STXBP6: variants seen among roughly 807,000 people sequenced by gnomAD.
The protein encoded by STXBP6 is syntaxin-binding protein 6.
In STXBP6, 21 loss-of-function variants were observed where a neutral mutation model predicts 26.9. The observed-to-expected ratio is 0.78, with a 90% CI of 0.55 to 1.12. STXBP6 has a LOEUF of 1.12. Ranked by LOEUF, STXBP6 falls within the 50% of genes most tolerant of loss-of-function variation. The pLI, the probability that STXBP6 is intolerant of heterozygous loss-of-function variation, is 0.00. For missense variants in STXBP6, 232 were observed against 257.9 expected (o/e 0.90, Z 0.69); for synonymous variants, 97 against 92.6 (o/e 1.05, Z -0.27).
intron 5 of STXBP6, among the ~76,000 whole-genome samples, chr14:24,815,289 A>G (rs956559684): frequency 3.9e-5 from 6 of 152,096 alleles, no homozygotes; most frequent in Admixed American, 3.9e-4. Flanking sequence ...TCCTTTTGAT[A>G]TATTTTGTGT....
intron 1 of STXBP6, among the ~76,000 whole-genome samples, chr14:25,018,842 A>G (rs750245756): frequency 6.6e-6 from 1 of 152,226 alleles, no homozygotes; most frequent in African/African-American, 2.4e-5. Context: ...CCCAGGCCCA[A>G]TAAGAATAGC....
At chr14:25,021,769 T>A (rs1335515130) in intron 1 of STXBP6, among the ~76,000 whole-genome samples, 1 of 152,218 alleles carries the variant, frequency 6.6e-6, no homozygotes, top group East Asian at 1.9e-4. Flanking sequence ...AGCTTGAACC[T>A]AGGCCCCCTT....
intron 1 of STXBP6, among the ~76,000 whole-genome samples, chr14:24,993,990 G>A (rs1046201032): frequency 1.3e-5 from 2 of 152,130 alleles, no homozygotes; most frequent in Non-Finnish European, 2.9e-5. Flanking sequence ...GCTGCTTCCT[G>A]GAGTTACCAG....
intron 2 of STXBP6, among the ~76,000 whole-genome samples, chr14:24,900,139 T>A (rs142980484): frequency 6.6e-6 from 1 of 152,328 alleles, no homozygotes; most frequent in East Asian, 1.9e-4. Flanking sequence ...AATATTAGAT[T>A]TTTCTTTTTT....
At position 24,856,946 on chromosome 14, in the gene STXBP6, C is replaced by A; in HGVS notation, c.285+81G>T. ...TAGCCTTCTTAAGAATGATTCAAACCACCACTACCACTACCAAGGTCAATC... is the reference window on the plus strand; with the variant it reads ...TAGCCTTCTTAAGAATGATTCAAACAACCACTACCACTACCAAGGTCAATC... On this transcript the variant is annotated intron_variant, in intron 3 of 5. Transcript: ENST00000323944. The A allele has an allele frequency of 2.7e-6, 4 of 1,481,920 alleles. No individual in the cohort carries two copies. The South Asian group carries it at 4.3e-5, about 16-fold the overall frequency. The allele number at this position is 1,481,920 out of a possible 1,614,324, so 91.8% of individuals were successfully genotyped here.
chr14:24,929,962 T>C (rs902062158), intron 2 of STXBP6, among the ~76,000 whole-genome samples: 2 of 152,178 alleles, frequency 1.3e-5, no homozygotes, highest in African/African-American at 4.8e-5. Context: ...CTTTGTTATA[T>C]GCAAAAAAGA....
At chr14:25,030,255 G>C (rs1199205092) in intron 1 of STXBP6, among the ~76,000 whole-genome samples, 1 of 152,178 alleles carries the variant, frequency 6.6e-6, no homozygotes. Flanking sequence ...TTCCATGCCT[G>C]TCTGCTCACA....
At chr14:24,857,253 G>A (rs2069370484) in intron 2 of STXBP6, 96 bp from the exon 3 acceptor site, 8 of 1,499,888 alleles carry the variant, frequency 5.3e-6, no homozygotes, top group Non-Finnish European at 7.3e-6. Context: ...CTGTGTATAT[G>A]CACAATAACA....
rs571686413 is a variant in STXBP6, at chr14:24,995,557, T to G, written c.-32-20707A>C. Reference sequence around the variant, plus strand: ...TGCAGTGAGCCACTAGACCCAATCTTCAGCACAGCAGAAATTTTAAAGAAA... The same window carrying G: ...TGCAGTGAGCCACTAGACCCAATCTGCAGCACAGCAGAAATTTTAAAGAAA... On this transcript the variant is annotated intron_variant, in intron 1 of 5. Coordinates refer to ENST00000323944, the MANE Select transcript of STXBP6 (RefSeq NM_001394410.1). Among the ~76,000 whole-genome samples the G allele has an allele frequency of 3.2e-4, 48 of 152,290 alleles. 1 individual carries two copies. In the East Asian group the frequency reaches 7.9e-3, roughly 25 times the overall value.
chr14:24,952,678 A>T (rs962678421), intron 2 of STXBP6, among the ~76,000 whole-genome samples: 1 of 152,214 alleles, frequency 6.6e-6, no homozygotes, highest in African/African-American at 2.4e-5. Flanking sequence ...TTGTTATACA[A>T]GGAAAAAATA....
intron 4 of STXBP6, among the ~76,000 whole-genome samples, chr14:24,827,970 C>T (rs190662709): frequency 1.2e-3 from 178 of 151,494 alleles, no homozygotes; most frequent in Admixed American, 6.3e-3. Context: ...GAATAAAAAG[C>T]TTAACAAAGA....
At chr14:24,869,232 T>A (rs12886059) in intron 2 of STXBP6, among the ~76,000 whole-genome samples, 4,207 of 152,216 alleles carry the variant, frequency 0.028, 78 homozygotes, top group Middle Eastern at 0.058. Context: ...TTTTTTTAAA[T>A]CCAGGGTCAT....
chr14:24,956,733 T>C (rs968137489), intron 2 of STXBP6, among the ~76,000 whole-genome samples: 12 of 151,970 alleles, frequency 7.9e-5, no homozygotes, highest in Non-Finnish European at 1.6e-4. Flanking sequence ...GGGGTTTCAG[T>C]GCTGTTTTTA....
At chr14:24,918,501 C>CACACAG (rs1491399035) in intron 2 of STXBP6, among the ~76,000 whole-genome samples, 2 of 146,376 alleles carry the variant, frequency 1.4e-5, no homozygotes, top group African/African-American at 5.1e-5. Flanking sequence ...CACACACACA[C>CACACAG]AGCAGGCATG....
intron 5 of STXBP6, 121 bp from the exon 6 acceptor site, chr14:24,812,853 G>C: frequency 1.1e-6 from 1 of 930,990 alleles, no homozygotes; most frequent in African/African-American, 1.6e-5. Flanking sequence ...TCTACTCTCT[G>C]TGGCAGATCA....
At chr14:24,891,616 C>A (rs1323315249) in intron 2 of STXBP6, among the ~76,000 whole-genome samples, 1 of 152,104 alleles carries the variant, frequency 6.6e-6, no homozygotes, top group East Asian at 1.9e-4. Flanking sequence ...TAGAGGAAAA[C>A]CAATATTCAT....
chr14:24,937,388 G>A (rs1182221706), intron 2 of STXBP6, among the ~76,000 whole-genome samples: 2 of 152,172 alleles, frequency 1.3e-5, no homozygotes, highest in Non-Finnish European at 2.9e-5. Context: ...ACTTATATAT[G>A]ATGTTGCTCT....
intron 4 of STXBP6, among the ~76,000 whole-genome samples, chr14:24,835,270 T>C (rs78702844): frequency 0.025 from 3,791 of 152,286 alleles, 188 homozygotes; most frequent in East Asian, 0.21. Flanking sequence ...ACAGATCTTC[T>C]TCGAGTGAGA....
chr14:24,817,203 C>A (rs1472815375), intron 5 of STXBP6: 1 of 152,144 alleles, frequency 6.6e-6, no homozygotes. Flanking sequence ...CAAACTTGGC[C>A]ACAGTATCAG....
Sources: gnomAD v4.1 joint callset for allele counts (sites outside exome capture counted in the v4.1 genomes callset) on GRCh38, gnomAD v4.1.1 for gene constraint, MANE v1.5 for transcripts, NCBI Gene and HGNC (gene_info 2026-07-23, HGNC 2026-07-21) for gene names.